The following HCN1 variants were observed in gnomAD, a reference collection of about 807,000 sequenced individuals.
The protein encoded by HCN1 is hyperpolarization activated cyclic nucleotide gated potassium channel 1, also known as potassium/sodium hyperpolarization-activated cyclic nucleotide-gated channel 1.
In HCN1, 13 loss-of-function variants were observed where a neutral mutation model predicts 78.9. The ratio of observed to expected loss-of-function variants is 0.16; its 90% CI spans 0.11 to 0.26. The LOEUF (loss-of-function observed/expected upper bound fraction) is 0.26. HCN1 is among the 10% of genes least tolerant of loss of function. The pLI is 1.00. For missense variants in HCN1, 810 were observed against 1,154.3 expected (o/e 0.70, Z 4.32); for synonymous variants, 552 against 455.5 (o/e 1.21, Z -2.70).
intron 2 of HCN1, among the ~76,000 whole-genome samples, chr5:45,608,801 A>G (rs1744776565): frequency 1.3e-5 from 2 of 152,052 alleles, no homozygotes; most frequent in Admixed American, 6.6e-5. Context: ...AAACTTCAGT[A>G]TATCAAAAGA....
chr5:45,548,117 T>TAATA (rs1190073215), intron 2 of HCN1, among the ~76,000 whole-genome samples: 1 of 151,970 alleles, frequency 6.6e-6, no homozygotes, highest in African/African-American at 2.4e-5. Flanking sequence ...TTCAGATATT[T>TAATA]AATAATTGTG....
intron 3 of HCN1, among the ~76,000 whole-genome samples, chr5:45,437,728 A>G (rs1740584515): frequency 6.6e-6 from 1 of 152,226 alleles, no homozygotes; most frequent in Admixed American, 6.5e-5. Context: ...TGCCAGGTGC[A>G]ACAATTATCT....
At chr5:45,402,813 C>CT (rs1198057159) in intron 3 of HCN1, among the ~76,000 whole-genome samples, 5 of 98,436 alleles carry the variant, frequency 5.1e-5, no homozygotes, top group Admixed American at 2.2e-4. Flanking sequence ...CCTTTCTTTC[C>CT]TCCTTCCTTC....
At chr5:45,279,361 C>T (rs1745118318) in intron 6 of HCN1, among the ~76,000 whole-genome samples, 1 of 152,136 alleles carries the variant, frequency 6.6e-6, no homozygotes, top group South Asian at 2.1e-4. Flanking sequence ...AGGTGTGATA[C>T]ATCCTGTTGA....
chr5:45,482,358 A>G (rs1402119665), intron 2 of HCN1, among the ~76,000 whole-genome samples: 1 of 152,156 alleles, frequency 6.6e-6, no homozygotes, highest in African/African-American at 2.4e-5. Context: ...TATATTCTCA[A>G]CCTCACGTAA....
intron 4 of HCN1, among the ~76,000 whole-genome samples, chr5:45,367,189 T>C (rs1579843494): frequency 6.6e-6 from 1 of 151,928 alleles, no homozygotes; most frequent in East Asian, 1.9e-4. Context: ...AAATCGAGTC[T>C]TATTTAAGTA....
At chr5:45,539,292 C>CT (rs763159630) in intron 2 of HCN1, among the ~76,000 whole-genome samples, 57 of 151,658 alleles carry the variant, frequency 3.8e-4, no homozygotes, top group Non-Finnish European at 6.6e-4. Flanking sequence ...ATTTACAAAA[C>CT]TTTTTATTTT....
intron 5 of HCN1, among the ~76,000 whole-genome samples, chr5:45,323,975 G>C (rs1334577192): frequency 6.6e-6 from 1 of 152,040 alleles, no homozygotes; most frequent in South Asian, 2.1e-4. Context: ...GGACATTTGG[G>C]TTGGTTCCAA....
intron 5 of HCN1, among the ~76,000 whole-genome samples, chr5:45,341,045 C>G (rs927340070): frequency 2.6e-5 from 4 of 152,124 alleles, no homozygotes; most frequent in African/African-American, 9.7e-5. Context: ...GGAATATATC[C>G]TTCATTCTAT....
intron 2 of HCN1, among the ~76,000 whole-genome samples, chr5:45,523,312 TA>T (rs1361213817): frequency 4.6e-5 from 7 of 152,168 alleles, no homozygotes; most frequent in Admixed American, 2.0e-4. Flanking sequence ...AGTGCCACAA[TA>T]AACATACGTG....
At position 45,262,366 on chromosome 5, in the gene HCN1, G is replaced by C; in HGVS notation, c.2228C>G (p.Pro743Arg). 3 of 1,612,332 alleles carry C rather than the reference G, an allele frequency of 1.9e-6. No homozygotes were observed. The highest frequency in any genetic ancestry group is 1.7e-6 in the Non-Finnish European group (2 of 1,179,594). The change falls in exon 8 of 8, where the codon CCG (proline) becomes CGG (arginine). Residue 743 changes from proline (P) to arginine (R), a missense_variant. Around this residue, in one of 6 missense-constraint regions of HCN1, gnomAD observed 398 missense variants for 381.3 expected, o/e 1.04. Coordinates refer to ENST00000303230, the MANE Select transcript of HCN1 (RefSeq NM_021072.4). ...QPQQQVQQSQ[P>R]PQTQPQQPSP... ...CGGCTGCTGTGGCTGAGTCTGCGGC[G>C]GCTGGGACTGCTGTACCTGCTGCTG...
At chr5:45,556,567 A>C (rs935198784) in intron 2 of HCN1, among the ~76,000 whole-genome samples, 1 of 151,846 alleles carries the variant, frequency 6.6e-6, no homozygotes, top group Non-Finnish European at 1.5e-5. Context: ...TCATCCTTAC[A>C]TTCCTAGATT....
At chr5:45,423,342 C>G (rs1205924857) in intron 3 of HCN1, among the ~76,000 whole-genome samples, 1 of 152,074 alleles carries the variant, frequency 6.6e-6, no homozygotes, top group Non-Finnish European at 1.5e-5. Flanking sequence ...CTCCTAAATC[C>G]ATCTCCTTTG....
intron 2 of HCN1, among the ~76,000 whole-genome samples, chr5:45,562,325 C>A (rs1743621433): frequency 6.6e-6 from 1 of 152,088 alleles, no homozygotes; most frequent in Admixed American, 6.6e-5. Context: ...TGATATCCAA[C>A]AGCAGAATGA....
At chr5:45,645,699 C>T in intron 1 of HCN1, 91 bp from the exon 2 acceptor site, 1 of 675,520 alleles carries the variant, frequency 1.5e-6, no homozygotes, top group Non-Finnish European at 2.4e-6. Flanking sequence ...ATAGTGAGAT[C>T]AATAAGTAAA....
intron 2 of HCN1, among the ~76,000 whole-genome samples, chr5:45,580,808 G>A (rs528621878): frequency 2.6e-5 from 4 of 152,142 alleles, no homozygotes; most frequent in South Asian, 4.2e-4. Flanking sequence ...TTGTCCTCGC[G>A]ATAGTTTGCT....
chr5:45,548,538 A>G (rs1044506986), intron 2 of HCN1, among the ~76,000 whole-genome samples: 29 of 152,228 alleles, frequency 1.9e-4, no homozygotes, highest in South Asian at 4.1e-4. Context: ...AGCCAATATC[A>G]TACTGAACGG....
chr5:45,512,592 A>C (rs1281969186), intron 2 of HCN1, among the ~76,000 whole-genome samples: 1 of 152,062 alleles, frequency 6.6e-6, no homozygotes, highest in Admixed American at 6.6e-5. Context: ...TGCCCCATGA[A>C]TATTTTTATT....
At chr5:45,316,084 A>T (rs571907253) in intron 5 of HCN1, among the ~76,000 whole-genome samples, 1 of 152,332 alleles carries the variant, frequency 6.6e-6, no homozygotes, top group Non-Finnish European at 1.5e-5. Context: ...CATCATCCTG[A>T]TACCAAAGTC....
Sources: gnomAD v4.1 joint callset for allele counts (sites outside exome capture counted in the v4.1 genomes callset) on GRCh38, gnomAD v4.1.1 for gene constraint, gnomAD v4.1.1 regional missense constraint, MANE v1.5 for transcripts, NCBI Gene and HGNC (gene_info 2026-07-23, HGNC 2026-07-21) for gene names.